Variants in CHKA observed in about 807,000 individuals in gnomAD.
CHKA encodes choline kinase alpha, also known as CHETK-alpha.
CHKA carries 34 observed loss-of-function variants against 60.1 expected under a neutral mutation model. The observed-to-expected ratio is 0.57, with a 90% confidence interval of 0.43 to 0.75. The LOEUF (loss-of-function observed/expected upper bound fraction) is 0.75, where lower values mean the gene tolerates loss of function less well. Among genes scored for constraint, CHKA ranks in the 30% least tolerant of loss-of-function variants. The pLI is 0.00. For missense variants in CHKA, 563 were observed against 561.3 expected, an observed-to-expected ratio of 1.00 and a Z score of -0.03; for synonymous variants, 217 against 223.1, an observed-to-expected ratio of 0.97 and a Z score of 0.24.
At chr11:68,078,278 G>C (rs1488803743) in intron 3 of CHKA, among the ~76,000 whole-genome samples, 2 of 152,162 alleles carry the variant, frequency 1.3e-5, no homozygotes, top group Admixed American at 6.5e-5. Context: ...TGCCCCACTA[G>C]AGGTTCACAA....
intron 3 of CHKA, among the ~76,000 whole-genome samples, chr11:68,079,170 G>T (rs1856892412): frequency 6.6e-6 from 1 of 152,136 alleles, no homozygotes; most frequent in African/African-American, 2.4e-5. Context: ...GTGACCCCAA[G>T]TGATCAGCTC....
intron 1 of CHKA, among the ~76,000 whole-genome samples, chr11:68,117,636 G>A (rs1239015398): frequency 2.0e-5 from 3 of 151,748 alleles, no homozygotes; most frequent in South Asian, 2.1e-4. Flanking sequence ...GCAGCTAGCC[G>A]AGATCACACC....
At chr11:68,120,762 AC>A (rs1222685661) in intron 1 of CHKA, 65 bp downstream of exon 1, 1 of 332,028 alleles carries the variant, frequency 3.0e-6, no homozygotes, top group African/African-American at 2.7e-5. Flanking sequence ...CCCTGCCCGG[AC>A]CCCGCCCCGG....
Position 68,066,410 on chromosome 11 carries a change from C to A in CHKA, c.1016+19G>T. On this transcript the variant is annotated intron_variant, in intron 8 of 11. Coordinates refer to ENST00000265689, the MANE Select transcript of CHKA (RefSeq NM_001277.3). ...ATAAATCAATATTGAGATGGAAACA[C>A]TGGACTGTAACACAGTACCTGTAAT... 2 of 1,557,496 alleles carry A rather than the reference C, an allele frequency of 1.3e-6. No individual in the cohort carries two copies. Among genetic ancestry groups the A allele is most frequent in the Non-Finnish European group, 1.8e-6 (2 of 1,128,936 alleles).
chr11:68,066,278 C>T (rs1174302700), intron 8 of CHKA, 151 bp downstream of exon 8: 20 of 661,464 alleles, frequency 3.0e-5, no homozygotes, highest in East Asian at 3.0e-4. Flanking sequence ...ACAACCATCA[C>T]CGGCCACTGG....
intron 1 of CHKA, among the ~76,000 whole-genome samples, chr11:68,099,877 G>A (rs780389523): frequency 5.9e-5 from 9 of 152,224 alleles, no homozygotes; most frequent in African/African-American, 1.2e-4. Context: ...GCTAAAGAAG[G>A]AAGGCAGACT....
At position 68,091,363 on chromosome 11, in the gene CHKA, A is replaced by G. The variant is rs1857344654; in HGVS notation, c.462+5656T>C. On this transcript the variant is annotated intron_variant, in intron 2 of 11. Transcript: ENST00000265689. The stretch of plus-strand genomic sequence containing the variant: ...ACGCTAAATTATACTCACATGCATT[A>G]AGATCAGACCAATATTTTTATGTTT... Among the ~76,000 whole-genome samples, 5 of 152,262 alleles carry G rather than the reference A, an allele frequency of 3.3e-5. No homozygotes were observed. The South Asian group carries it at 1.0e-3, about 31-fold the overall frequency.
In CHKA at chr11:68,076,232, T is replaced by C. The variant is rs559093278; in HGVS notation, c.517-1402A>G. ...CTTTCCTAATTTGTGGTTTTGTGTATATGACAATAAACTGATAACATCTAT... is the reference window on the plus strand; with the variant it reads ...CTTTCCTAATTTGTGGTTTTGTGTACATGACAATAAACTGATAACATCTAT... On this transcript the variant is annotated intron_variant, in intron 3 of 11. Coordinates refer to ENST00000265689, the MANE Select transcript of CHKA (RefSeq NM_001277.3). 3.3e-5 allele frequency among the ~76,000 whole-genome samples: 5 copies of C among 152,328 alleles called. No individual in the cohort carries two copies. In the Middle Eastern group the frequency reaches 0.01, roughly 311 times the overall value.
chr11:68,065,909 A>C lies in CHKA; in HGVS notation c.1017-15T>G. On this transcript the variant is annotated splice_polypyrimidine_tract_variant and intron_variant, in intron 8 of 11. Transcript: ENST00000265689. ...TGTCGAATCCCCTGAAATAAGACAT[A>C]AGACAGTGCACACAATGAGGCAAAC... The C allele has an allele frequency of 6.4e-7, 1 of 1,558,868 alleles. No homozygotes were observed. Among genetic ancestry groups the C allele is most frequent in the Non-Finnish European group, 8.8e-7 (1 of 1,133,226 alleles).
chr11:68,081,311 G>A, intron 3 of CHKA, 93 bp downstream of exon 3: 6 of 963,652 alleles, frequency 6.2e-6, no homozygotes, highest in Non-Finnish European at 6.6e-6. Context: ...TTTTCCAAGG[G>A]TAGATAAGAG....
chr11:68,081,588 G>A (rs568218474), intron 2 of CHKA, 131 bp from the exon 3 acceptor site: 61 of 667,446 alleles, frequency 9.1e-5, no homozygotes, highest in Non-Finnish European at 1.3e-4. Flanking sequence ...TCAGCCCACC[G>A]ATGTGACGGG....
In CHKA at chr11:68,121,133, C is replaced by T; in HGVS notation, c.45G>A (p.Pro15=). ...FCTGGEAEPS[P]LGLLLSCGSG... is the part of the protein sequence containing the mutation. ...TACCGCAGCTCAGCAGCAGCCCGAGCGGCGAGGGCTCCGCCTCGCCCCCGG... is the reference window on the plus strand; with the variant it reads ...TACCGCAGCTCAGCAGCAGCCCGAGTGGCGAGGGCTCCGCCTCGCCCCCGG... Residue 15 remains proline, a synonymous_variant, in exon 1 of 12, where the codon CCG becomes CCA. Coordinates refer to ENST00000265689, the MANE Select transcript of CHKA (RefSeq NM_001277.3). The T allele has an allele frequency of 1.7e-6, 2 of 1,209,032 alleles. No individual in the cohort carries two copies. The highest frequency in any genetic ancestry group is 2.1e-6 in the Non-Finnish European group (2 of 966,220). The allele number at this position is 1,209,032 out of a possible 1,614,324, so 74.9% of individuals were successfully genotyped here. A position where few individuals can be genotyped will look rare whatever the true frequency, so the allele number is the denominator to read the frequency against.
At chr11:68,087,453 G>C (rs1333587568) in intron 2 of CHKA, among the ~76,000 whole-genome samples, 1 of 152,066 alleles carries the variant, frequency 6.6e-6, no homozygotes, top group Admixed American at 6.6e-5. Flanking sequence ...CTGCACTCCA[G>C]CCTGGGCAAT....
chr11:68,120,777 C>T (rs1235436634), intron 1 of CHKA, 51 bp downstream of exon 1: 1 of 1,000,004 alleles, frequency 1.0e-6, no homozygotes, highest in Non-Finnish European at 1.3e-6. Flanking sequence ...GCCCCGGCCC[C>T]GCCCCGCGTC....
intron 1 of CHKA, among the ~76,000 whole-genome samples, chr11:68,113,329 AAAG>A (rs1164020872): frequency 2.0e-5 from 3 of 152,224 alleles, no homozygotes; most frequent in Admixed American, 6.6e-5. Context: ...ACATCTCATC[AAAG>A]AAGATATACA....
At chr11:68,095,252 A>T (rs899178394) in intron 2 of CHKA, among the ~76,000 whole-genome samples, 1 of 151,342 alleles carries the variant, frequency 6.6e-6, no homozygotes, top group African/African-American at 2.4e-5. Flanking sequence ...AAAATACAAA[A>T]ATTAGCCAGG....
intron 1 of CHKA, among the ~76,000 whole-genome samples, chr11:68,116,787 T>C (rs1858400769): frequency 6.6e-6 from 1 of 152,092 alleles, no homozygotes; most frequent in African/African-American, 2.4e-5. Flanking sequence ...GGACAGAAGT[T>C]AGTATTAAGT....
Position 68,120,867 on chromosome 11 carries a change from C to T in CHKA, c.311G>A (p.Arg104Gln). The T allele has an allele frequency of 7.4e-7, 1 of 1,356,818 alleles. No individual in the cohort carries two copies. The highest frequency in any genetic ancestry group is 1.5e-5 in the South Asian group (1 of 67,858). 84.0% of individuals were successfully genotyped at this position (1,356,818 alleles called of 1,614,324 possible). ...WCKEFLPGAW[R>Q]GLREDEFHIS... The stretch of plus-strand genomic sequence containing the variant: ...GTGGAACTCGTCCTCGCGGAGGCCC[C>T]GCCAGGCGCCGGGCAGGAACTCCTT... The change falls in exon 1 of 12, where the codon CGG becomes CAG. Residue 104 changes from arginine to glutamine, a missense_variant. Coordinates refer to ENST00000265689, the MANE Select transcript of CHKA (RefSeq NM_001277.3).
At chr11:68,054,372 G>A (rs1855923264) in intron 11 of CHKA, among the ~76,000 whole-genome samples, 1 of 152,184 alleles carries the variant, frequency 6.6e-6, no homozygotes, top group African/African-American at 2.4e-5. Flanking sequence ...CTAACCCTGG[G>A]TGCTGTGGGC....
Sources: gnomAD v4.1 joint callset for allele counts (sites outside exome capture counted in the v4.1 genomes callset) on GRCh38, gnomAD v4.1.1 for gene constraint, MANE v1.5 for transcripts, NCBI Gene and HGNC (gene_info 2026-07-23, HGNC 2026-07-21) for gene names.